Variants in ATF6 observed in about 807,000 individuals in gnomAD.
The protein encoded by ATF6 is activating transcription factor 6.
A neutral mutation model predicts 83.6 loss-of-function variants in ATF6; 53 were observed. The observed-to-expected ratio is 0.63, with a 90% CI of 0.51 to 0.80. ATF6 has a LOEUF of 0.80. Ranked by LOEUF, ATF6 falls within the 30% of genes least tolerant of loss-of-function variation. ATF6 has a pLI of 0.00. For missense variants in ATF6, 744 were observed against 797.9 expected (o/e 0.93, Z 0.81); for synonymous variants, 288 against 285.8 (o/e 1.01, Z -0.08).
chr1:161,767,233 A>C (rs527980502), intron 1 of ATF6, among the ~76,000 whole-genome samples: 1 of 152,216 alleles, frequency 6.6e-6, no homozygotes, highest in South Asian at 2.1e-4. Context: ...CCCGCTAGTG[A>C]GCCTACACCA....
chr1:161,917,073 T>C (rs2101892294), intron 15 of ATF6, among the ~76,000 whole-genome samples: 1 of 152,298 alleles, frequency 6.6e-6, no homozygotes, highest in East Asian at 1.9e-4. Context: ...CTTACCACCA[T>C]ATCCCCAGCC....
chr1:161,959,382 C>G lies in ATF6; in HGVS notation c.*728C>G, dbSNP rs1689040796. On this transcript the variant is annotated 3_prime_UTR_variant, in exon 16 of 16. Transcript: ENST00000367942. ...GAGAGAGGAGATAGCTCCATTAATA[C>G]ACATGTTTAAAAGATGGAAAGTTCA... 6.6e-5 allele frequency: 10 copies of G among 152,194 alleles called. No individual in the cohort carries two copies. Among genetic ancestry groups the G allele is most frequent in the Admixed American group, 6.5e-4 (10 of 15,274 alleles). The allele number at this position is 152,194 out of a possible 1,614,324, so 9.4% of individuals were successfully genotyped here.
chr1:161,946,436 C>T (rs1301148664), intron 15 of ATF6, among the ~76,000 whole-genome samples: 1 of 152,180 alleles, frequency 6.6e-6, no homozygotes, highest in East Asian at 1.9e-4. Flanking sequence ...ATCAGTGCCA[C>T]CTATTAGGAA....
chr1:161,958,300 C>G, intron 15 of ATF6, 146 bp from the exon 16 acceptor site: 1 of 696,572 alleles, frequency 1.4e-6, no homozygotes, highest in East Asian at 3.1e-5. Context: ...GCTCTGCTTA[C>G]TGACTGAGAG....
At chr1:161,877,122 T>A (rs1426977792) in intron 14 of ATF6, among the ~76,000 whole-genome samples, 1 of 152,100 alleles carries the variant, frequency 6.6e-6, no homozygotes, top group Non-Finnish European at 1.5e-5. Flanking sequence ...TACTACTAGA[T>A]CATAGAAGGC....
chr1:161,850,979 A>G (rs146647320), intron 10 of ATF6, among the ~76,000 whole-genome samples: 336 of 152,270 alleles, frequency 2.2e-3, no homozygotes, highest in African/African-American at 7.7e-3. Flanking sequence ...TGGCTAGGAA[A>G]GTATATATTT....
chr1:161,944,795 G>A (rs1375229053), intron 15 of ATF6, among the ~76,000 whole-genome samples: 1 of 152,222 alleles, frequency 6.6e-6, no homozygotes, highest in Non-Finnish European at 1.5e-5. Flanking sequence ...AATGGTGTCT[G>A]GGGGTCAGGA....
intron 2 of ATF6, 70 bp from the exon 3 acceptor site, chr1:161,781,842 C>A: frequency 9.8e-7 from 1 of 1,019,404 alleles, no homozygotes; most frequent in Non-Finnish European, 1.5e-6. Context: ...CAAATTGTGT[C>A]TCACAGTTTG....
chr1:161,946,940 T>C (rs887830477), intron 15 of ATF6, among the ~76,000 whole-genome samples: 1 of 152,244 alleles, frequency 6.6e-6, no homozygotes, highest in African/African-American at 2.4e-5. Flanking sequence ...TAATTCACTG[T>C]TCAATTTTCT....
chr1:161,923,064 C>G (rs1443017747), intron 15 of ATF6, among the ~76,000 whole-genome samples: 2 of 152,160 alleles, frequency 1.3e-5, no homozygotes, highest in Non-Finnish European at 2.9e-5. Flanking sequence ...CCTACCACCT[C>G]TGCAAAACTT....
chr1:161,768,393 AAC>A (rs901880462), intron 1 of ATF6, among the ~76,000 whole-genome samples: 17 of 152,284 alleles, frequency 1.1e-4, no homozygotes, highest in Non-Finnish European at 1.9e-4. Flanking sequence ...TCAAACTGTT[AAC>A]AGTCTTCTCT....
At chr1:161,898,039 T>C (rs1480953926) in intron 14 of ATF6, among the ~76,000 whole-genome samples, 1 of 152,176 alleles carries the variant, frequency 6.6e-6, no homozygotes, top group Non-Finnish European at 1.5e-5. Context: ...TGGGTTTCCA[T>C]TAAGTATAGA....
intron 9 of ATF6, among the ~76,000 whole-genome samples, chr1:161,841,903 T>C (rs1347406779): frequency 6.6e-6 from 1 of 152,164 alleles, no homozygotes; most frequent in East Asian, 1.9e-4. Flanking sequence ...ACAGATGGGA[T>C]AGACTACAAG....
chr1:161,785,318 C>G (rs1684720109), intron 4 of ATF6, among the ~76,000 whole-genome samples: 3 of 152,140 alleles, frequency 2.0e-5, no homozygotes, highest in East Asian at 1.9e-4. Flanking sequence ...AAACTACTTC[C>G]TTTATGAAGC....
intron 7 of ATF6, among the ~76,000 whole-genome samples, chr1:161,807,442 C>A (rs1469724728): frequency 6.6e-6 from 1 of 152,148 alleles, no homozygotes; most frequent in Admixed American, 6.5e-5. Context: ...TTAATAACTT[C>A]TAACAACAAA....
At chr1:161,781,516 T>G (rs1476340232) in intron 2 of ATF6, among the ~76,000 whole-genome samples, 2 of 152,246 alleles carry the variant, frequency 1.3e-5, no homozygotes, top group Non-Finnish European at 2.9e-5. Context: ...TTCTATTGTA[T>G]ATAGAGATTA....
At position 161,884,293 on chromosome 1, in the gene ATF6, A is replaced by G. The variant is rs542436850; in HGVS notation, c.1719+20981A>G. On this transcript the variant is annotated intron_variant, in intron 14 of 15. Transcript: ENST00000367942. Reference sequence around the variant, plus strand: ...ATGTGAATCTTACTTTCATTTTGAAACAAACACCTCTGCTTTAAGAAGATG... The same window carrying G: ...ATGTGAATCTTACTTTCATTTTGAAGCAAACACCTCTGCTTTAAGAAGATG... Among the ~76,000 whole-genome samples, 138 of 152,270 alleles carry G rather than the reference A, an allele frequency of 9.1e-4. 1 individual carries two copies. The highest frequency in any genetic ancestry group is 3.2e-3 in the African/African-American group (131 of 41,574).
chr1:161,792,089 C>G (rs762315249), intron 5 of ATF6, 35 bp from the exon 6 acceptor site: 5 of 1,592,010 alleles, frequency 3.1e-6, no homozygotes, highest in Non-Finnish European at 4.3e-6. Flanking sequence ...TAATTGCTTT[C>G]ACATTGACTT....
chr1:161,852,689 C>T (rs1446346169), intron 11 of ATF6, among the ~76,000 whole-genome samples: 4 of 152,018 alleles, frequency 2.6e-5, no homozygotes, highest in African/African-American at 9.7e-5. Context: ...CATAGCTCAC[C>T]GCTTCCCCAA....
Sources: allele counts gnomAD v4.1 joint callset (sites outside exome capture counted in the v4.1 genomes callset), GRCh38; gene constraint gnomAD v4.1.1; transcripts MANE v1.5; gene names NCBI Gene and HGNC (gene_info 2026-07-23, HGNC 2026-07-21).